Variants in TIAM1 observed in about 807,000 individuals in gnomAD.
TIAM1 encodes rho guanine nucleotide exchange factor TIAM1.
Under a neutral mutation model 163.5 loss-of-function variants are expected in TIAM1, and 65 were observed. The ratio of observed to expected loss-of-function variants is 0.40; its 90% CI spans 0.33 to 0.49. TIAM1 has a LOEUF of 0.49. Among genes scored for constraint, TIAM1 ranks in the 20% least tolerant of loss-of-function variants. TIAM1 has a pLI of 0.77. For missense variants in TIAM1, 1,789 were observed against 2,044.7 expected (o/e 0.87, Z 2.41); for synonymous variants, 833 against 810.1 (o/e 1.03, Z -0.48).
At chr21:31,506,638 C>T (rs1161993087) in intron 1 of TIAM1, among the ~76,000 whole-genome samples, 1 of 152,170 alleles carries the variant, frequency 6.6e-6, no homozygotes, top group Admixed American at 6.5e-5. Context: ...TCCTTTTTGG[C>T]CAGGCACAGT....
chr21:31,488,333 A>C lies in TIAM1; in HGVS notation c.-421-24298T>G, dbSNP rs540605255. The stretch of plus-strand genomic sequence containing the variant: ...TTCTGCTTAGAAGAGCTGGGATTTG[A>C]ATCCAGGCAGTCCGACCCCAGTCAG... On this transcript the variant is annotated intron_variant, in intron 1 of 28. Coordinates refer to the TIAM1 transcript ENST00000286827. Among the ~76,000 whole-genome samples the C allele has an allele frequency of 2.6e-5, 4 of 152,304 alleles. No homozygotes were observed. The East Asian group carries it at 7.7e-4, about 29-fold the overall frequency.
chr21:31,411,203 A>C (rs985478779), intron 2 of TIAM1, among the ~76,000 whole-genome samples: 1 of 152,210 alleles, frequency 6.6e-6, no homozygotes, highest in African/African-American at 2.4e-5. Flanking sequence ...GAGAGTAAGA[A>C]GCTGGGGCTG....
intron 2 of TIAM1, among the ~76,000 whole-genome samples, chr21:31,353,326 G>A (rs1432974748): frequency 3.9e-5 from 6 of 152,186 alleles, no homozygotes; most frequent in South Asian, 2.1e-4. Context: ...CAGTTAAGAC[G>A]TAAGCAGGGG....
intron 2 of TIAM1, among the ~76,000 whole-genome samples, chr21:31,442,724 G>A (rs1335012856): frequency 1.3e-5 from 2 of 152,212 alleles, no homozygotes; most frequent in Non-Finnish European, 2.9e-5. Flanking sequence ...AGAGAGGATG[G>A]GGCCAGGGTC....
At chr21:31,345,422 CA>C (rs1357515100), upstream of TIAM1, among the ~76,000 whole-genome samples, 1 of 150,838 alleles carries the variant, frequency 6.6e-6, no homozygotes, top group East Asian at 1.9e-4. Context: ...AAACTTGACT[CA>C]AATATATATG....
chr21:31,401,729 C>T (rs1318671913), intron 2 of TIAM1, among the ~76,000 whole-genome samples: 1 of 151,500 alleles, frequency 6.6e-6, no homozygotes, highest in African/African-American at 2.4e-5. Context: ...TCGAGACCAG[C>T]GAGACCCCAT....
intron 6 of TIAM1, among the ~76,000 whole-genome samples, chr21:31,232,302 A>G (rs145496032): frequency 1.5e-4 from 23 of 152,160 alleles, no homozygotes; most frequent in African/African-American, 4.3e-4. Context: ...AAAACCTGTC[A>G]ATGGCTGAAG....
intron 2 of TIAM1, among the ~76,000 whole-genome samples, chr21:31,455,484 C>T (rs990834424): frequency 1.3e-5 from 2 of 151,442 alleles, no homozygotes; most frequent in African/African-American, 4.9e-5. Context: ...ATGATCTCAG[C>T]TCACTTCAAC....
At position 31,266,005 on chromosome 21, in the gene TIAM1, T is replaced by C. The variant is rs371785277; in HGVS notation, c.963+5A>G. 6.2e-7 allele frequency: 1 copy of C among 1,611,688 alleles called. No homozygotes were observed. The highest frequency in any genetic ancestry group is 8.5e-7 in the Non-Finnish European group (1 of 1,178,410). ...AAATATTGAAACAAATTTCAATCACTTTACCTGAGTTGTTTTAGCTCTTCT... is the reference window on the plus strand; with the variant it reads ...AAATATTGAAACAAATTTCAATCACCTTACCTGAGTTGTTTTAGCTCTTCT... On this transcript the variant is annotated splice_donor_5th_base_variant and intron_variant, in intron 4 of 27. Transcript: ENST00000541036.
intron 2 of TIAM1, among the ~76,000 whole-genome samples, chr21:31,394,512 G>C (rs148035297): frequency 5.9e-4 from 90 of 152,240 alleles, no homozygotes; most frequent in African/African-American, 1.9e-3. Context: ...TCTGGGTGGT[G>C]ATGACAGTTG....
At chr21:31,315,532 G>C (rs1346153290) in intron 2 of TIAM1, among the ~76,000 whole-genome samples, 1 of 151,202 alleles carries the variant, frequency 6.6e-6, no homozygotes, top group Non-Finnish European at 1.5e-5. Flanking sequence ...AAAAGTAGCC[G>C]GGTGTGGTGG....
intron 2 of TIAM1, among the ~76,000 whole-genome samples, chr21:31,416,448 T>C (rs1212392838): frequency 6.6e-6 from 1 of 152,152 alleles, no homozygotes; most frequent in Non-Finnish European, 1.5e-5. Flanking sequence ...GTACCCCATA[T>C]GTAGTCTTTT....
At chr21:31,490,376 T>C (rs1333030925) in intron 1 of TIAM1, among the ~76,000 whole-genome samples, 1 of 152,092 alleles carries the variant, frequency 6.6e-6, no homozygotes, top group Non-Finnish European at 1.5e-5. Context: ...AATGTCACCA[T>C]TGATTAAAAC....
At position 31,230,548 on chromosome 21, in the gene TIAM1, A is replaced by G. The variant is rs1354095390; in HGVS notation, c.1585-4598T>C. On this transcript the variant is annotated intron_variant, in intron 6 of 27. Transcript: ENST00000541036. ...ATTCGATAATTATTATTTTTTAGAC[A>G]GAATCTCACTCTGTTGCCCAGGCTG... 3.3e-5 allele frequency among the ~76,000 whole-genome samples: 5 copies of G among 152,144 alleles called. No individual in the cohort carries two copies. In the East Asian group the frequency reaches 9.7e-4, roughly 29 times the overall value.
At chr21:31,517,330 T>A (rs2147485487) in intron 1 of TIAM1, among the ~76,000 whole-genome samples, 1 of 152,124 alleles carries the variant, frequency 6.6e-6, no homozygotes, top group East Asian at 1.9e-4. Context: ...GGCCAGGAGT[T>A]CAAGACAGCC....
intron 2 of TIAM1, among the ~76,000 whole-genome samples, chr21:31,434,401 T>C (rs74616476): frequency 0.079 from 11,954 of 152,124 alleles, 1,547 homozygotes; most frequent in African/African-American, 0.27. Flanking sequence ...TCGAGCAGAA[T>C]CTGTGGTGCC....
intron 6 of TIAM1, among the ~76,000 whole-genome samples, chr21:31,243,209 A>AATATATAT (rs1555902486): frequency 2.8e-4 from 33 of 117,274 alleles, no homozygotes; most frequent in African/African-American, 1.2e-3. Context: ...AAAAAAAAAA[A>AATATATAT]ATATATATAT....
intron 11 of TIAM1, among the ~76,000 whole-genome samples, chr21:31,204,614 G>A (rs2086358381): frequency 6.6e-6 from 1 of 152,158 alleles, no homozygotes; most frequent in South Asian, 2.1e-4. Context: ...AGATACGCCA[G>A]ACACCATGTG....
intron 9 of TIAM1, among the ~76,000 whole-genome samples, chr21:31,215,979 G>A (rs1338940726): frequency 1.3e-5 from 2 of 152,092 alleles, no homozygotes; most frequent in Non-Finnish European, 2.9e-5. Context: ...TGGCCAACAT[G>A]GTGAAACCCC....
Sources: allele counts gnomAD v4.1 joint callset (sites outside exome capture counted in the v4.1 genomes callset), GRCh38; gene constraint gnomAD v4.1.1; transcripts MANE v1.5; gene names NCBI Gene and HGNC (gene_info 2026-07-23, HGNC 2026-07-21).